FRMD4A: variants seen among roughly 807,000 people sequenced by gnomAD.
FRMD4A encodes the protein FERM domain containing 4A.
FRMD4A carries 29 observed loss-of-function variants against 129.1 expected under a neutral mutation model. The observed-to-expected ratio is 0.22, with a 90% CI of 0.17 to 0.31. FRMD4A has a LOEUF of 0.31. FRMD4A is among the 10% of genes least tolerant of loss of function. The pLI, the probability that FRMD4A is intolerant of heterozygous loss-of-function variation, is 1.00. For synonymous variants in FRMD4A, 634 were observed against 571.6 expected (o/e 1.11, Z -1.56); for missense variants, 1,272 against 1,375.8 (o/e 0.92, Z 1.19).
At chr10:13,857,991 T>C (rs1335516371) in intron 3 of FRMD4A, among the ~76,000 whole-genome samples, 3 of 152,170 alleles carry the variant, frequency 2.0e-5, no homozygotes, top group East Asian at 1.9e-4. Context: ...TTGGAATTGA[T>C]TGATTTCCTG....
chr10:14,062,956 C>G (rs989462925), intron 2 of FRMD4A, among the ~76,000 whole-genome samples: 1 of 152,218 alleles, frequency 6.6e-6, no homozygotes, highest in Non-Finnish European at 1.5e-5. Context: ...TGTTTTAAAT[C>G]CTAGTGGTTT....
At chr10:13,888,793 A>T (rs2094657772) in intron 2 of FRMD4A, among the ~76,000 whole-genome samples, 1 of 152,230 alleles carries the variant, frequency 6.6e-6, no homozygotes, top group African/African-American at 2.4e-5. Flanking sequence ...CTCTGTGGAG[A>T]GTAGTTTAAA....
intron 2 of FRMD4A, among the ~76,000 whole-genome samples, chr10:14,042,006 AAAAGT>A (rs1833797200): frequency 6.6e-6 from 1 of 152,228 alleles, no homozygotes; most frequent in Non-Finnish European, 1.5e-5. Flanking sequence ...TCACTTTGTG[AAAAGT>A]AAAGTAGAGG....
At chr10:14,043,974 A>G (rs763816308) in intron 2 of FRMD4A, among the ~76,000 whole-genome samples, 1 of 152,190 alleles carries the variant, frequency 6.6e-6, no homozygotes, top group Non-Finnish European at 1.5e-5. Flanking sequence ...CTACAGGCAC[A>G]TGCCACCATG....
chr10:14,026,498 A>T (rs1462012376), intron 2 of FRMD4A, among the ~76,000 whole-genome samples: 1 of 152,176 alleles, frequency 6.6e-6, no homozygotes, highest in Non-Finnish European at 1.5e-5. Flanking sequence ...CTAATGGAAG[A>T]ATTAGAGCGG....
At chr10:14,127,910 C>CTT (rs1459248841) in intron 2 of FRMD4A, among the ~76,000 whole-genome samples, 11 of 1,910 alleles carry the variant, frequency 5.8e-3, no homozygotes, top group African/African-American at 0.038. Flanking sequence ...ATTTTGCTTT[C>CTT]TTTCTTTCTT....
At chr10:13,831,952 C>T (rs1382438405) in intron 3 of FRMD4A, among the ~76,000 whole-genome samples, 2 of 152,154 alleles carry the variant, frequency 1.3e-5, no homozygotes, top group Non-Finnish European at 1.5e-5. Context: ...AGCCAAACAA[C>T]AGCAATCTCC....
At chr10:13,788,694 C>T (rs887686459) in intron 5 of FRMD4A, among the ~76,000 whole-genome samples, 19 of 152,206 alleles carry the variant, frequency 1.2e-4, no homozygotes, top group African/African-American at 4.3e-4. Flanking sequence ...CAACAGCCCA[C>T]CCAAACTAGC....
intron 2 of FRMD4A, among the ~76,000 whole-genome samples, chr10:14,203,928 T>A (rs1240742715): frequency 6.6e-6 from 1 of 152,228 alleles, no homozygotes; most frequent in African/African-American, 2.4e-5. Flanking sequence ...TTGTCTATCG[T>A]AGTTTGACCC....
chr10:13,893,381 A>C (rs1278763552), intron 2 of FRMD4A, among the ~76,000 whole-genome samples: 2 of 152,108 alleles, frequency 1.3e-5, no homozygotes, highest in Non-Finnish European at 2.9e-5. Flanking sequence ...ATTTTTTGAT[A>C]ATGCAATTGG....
At chr10:13,864,122 A>C (rs954654599) in intron 2 of FRMD4A, among the ~76,000 whole-genome samples, 1 of 151,686 alleles carries the variant, frequency 6.6e-6, no homozygotes, top group Non-Finnish European at 1.5e-5. Flanking sequence ...CAGCCTCCCG[A>C]GTAGCTGGGA....
At chr10:14,172,773 G>A (rs898705839) in intron 2 of FRMD4A, among the ~76,000 whole-genome samples, 2 of 152,186 alleles carry the variant, frequency 1.3e-5, no homozygotes, top group African/African-American at 4.8e-5. Context: ...TAAGCAACAG[G>A]ATTCCAGCTA....
At chr10:14,102,203 C>A (rs7905895) in intron 2 of FRMD4A, among the ~76,000 whole-genome samples, 1,906 of 152,248 alleles carry the variant, frequency 0.013, 30 homozygotes, top group African/African-American at 0.043. Context: ...TCCTGGAATA[C>A]CTTCACAGCA....
chr10:14,283,341 A>G (rs1435877833), intron 2 of FRMD4A, among the ~76,000 whole-genome samples: 1 of 152,210 alleles, frequency 6.6e-6, no homozygotes, highest in African/African-American at 2.4e-5. Context: ...CAACTTGGCA[A>G]TAGTTGAAAA....
At chr10:13,943,058 A>G (rs137869872) in intron 2 of FRMD4A, among the ~76,000 whole-genome samples, 3 of 152,370 alleles carry the variant, frequency 2.0e-5, no homozygotes, top group African/African-American at 7.2e-5. Flanking sequence ...CATAGATTAT[A>G]AAATGTTGTC....
intron 2 of FRMD4A, among the ~76,000 whole-genome samples, chr10:14,109,848 T>C (rs983666359): frequency 1.3e-5 from 2 of 151,708 alleles, no homozygotes; most frequent in Non-Finnish European, 2.9e-5. Context: ...GGCGGGCGCC[T>C]GTAATCCCAG....
chr10:13,816,720 G>A (rs572964789), intron 3 of FRMD4A, among the ~76,000 whole-genome samples: 13 of 152,324 alleles, frequency 8.5e-5, no homozygotes, highest in African/African-American at 2.9e-4. Flanking sequence ...ACAGAATCCC[G>A]CTGAGTATAA....
At chr10:13,890,705 G>A (rs2094685152) in intron 2 of FRMD4A, 1 of 985,206 alleles carries the variant, frequency 1.0e-6, no homozygotes, top group East Asian at 1.1e-4. Context: ...CCATTCATAG[G>A]GGAGCCAGAG....
chr10:14,197,899 TCATCACTGAC>T (rs985911588), intron 2 of FRMD4A, among the ~76,000 whole-genome samples: 1 of 152,194 alleles, frequency 6.6e-6, no homozygotes, highest in African/African-American at 2.4e-5. Flanking sequence ...TTCTACTTAT[TCATCACTGAC>T]CATCACTGAC....
Sources: allele counts gnomAD v4.1 joint callset (sites outside exome capture counted in the v4.1 genomes callset), GRCh38; gene constraint gnomAD v4.1.1; transcripts MANE v1.5; gene names NCBI Gene and HGNC (gene_info 2026-07-23, HGNC 2026-07-21).